FNIP2: variants seen among roughly 807,000 people sequenced by gnomAD.
FNIP2 encodes the protein folliculin interacting protein 2.
FNIP2 carries 32 observed loss-of-function variants against 108.7 expected under a neutral mutation model. The observed-to-expected ratio is 0.29, with a 90% CI of 0.22 to 0.40. The LOEUF is 0.40. Among genes scored for constraint, FNIP2 ranks in the 10% least tolerant of loss-of-function variants. The probability of loss-of-function intolerance (pLI) is 1.00; values close to 1 mark genes in which losing one functional copy is unlikely to be tolerated. For synonymous variants in FNIP2, 480 were observed against 496.7 expected (o/e 0.97, Z 0.45); for missense variants, 1,202 against 1,381.6 (o/e 0.87, Z 2.06).
chr4:158,876,608 C>T (rs560918774), intron 14 of FNIP2, among the ~76,000 whole-genome samples: 2 of 152,320 alleles, frequency 1.3e-5, no homozygotes, highest in Admixed American at 1.3e-4. Context: ...CTGTTCTGTT[C>T]CAGATGTGTT....
intron 1 of FNIP2, among the ~76,000 whole-genome samples, chr4:158,792,769 G>T (rs1163016764): frequency 6.6e-6 from 1 of 152,170 alleles, no homozygotes; most frequent in Non-Finnish European, 1.5e-5. Context: ...GAATGAGAAT[G>T]GGCTGCACAG....
At chr4:158,827,197 T>C (rs894574721) in intron 2 of FNIP2, among the ~76,000 whole-genome samples, 7 of 152,290 alleles carry the variant, frequency 4.6e-5, no homozygotes, top group African/African-American at 1.7e-4. Context: ...CCAGGTTAGA[T>C]TTGTAACAGA....
intron 15 of FNIP2, among the ~76,000 whole-genome samples, chr4:158,892,427 A>C (rs962829541): frequency 1.3e-5 from 2 of 152,310 alleles, no homozygotes; most frequent in South Asian, 4.1e-4. Flanking sequence ...AATACTTTAA[A>C]TACAAACAAC....
At chr4:158,811,267 A>G (rs552431572) in intron 1 of FNIP2, among the ~76,000 whole-genome samples, 9 of 152,380 alleles carry the variant, frequency 5.9e-5, no homozygotes, top group African/African-American at 1.9e-4. Context: ...TTTACAGAAC[A>G]GATGTGAATG....
intron 14 of FNIP2, chr4:158,871,517 T>C (rs1461716338): frequency 6.1e-6 from 6 of 985,266 alleles, no homozygotes; most frequent in Non-Finnish European, 7.2e-6. Context: ...AGTATATTTA[T>C]GTGAAGTGGG....
chr4:158,889,131 A>T (rs1300600384), intron 14 of FNIP2, among the ~76,000 whole-genome samples: 1 of 152,106 alleles, frequency 6.6e-6, no homozygotes, highest in Non-Finnish European at 1.5e-5. Flanking sequence ...GCTTGAGGTT[A>T]CTATGAACTG....
At chr4:158,872,738 T>TC in intron 14 of FNIP2, 1 of 980,040 alleles carries the variant, frequency 1.0e-6, no homozygotes, top group Non-Finnish European at 1.2e-6. Context: ...GGTAGTGTTT[T>TC]TTTTTTTTTT....
intron 1 of FNIP2, among the ~76,000 whole-genome samples, chr4:158,777,710 G>A (rs1560748566): frequency 6.6e-6 from 1 of 152,200 alleles, no homozygotes; most frequent in Admixed American, 6.5e-5. Context: ...GAGTGCACAG[G>A]CTCCACGGAA....
chr4:158,792,349 T>A (rs888520517), intron 1 of FNIP2, among the ~76,000 whole-genome samples: 1 of 151,620 alleles, frequency 6.6e-6, no homozygotes, highest in African/African-American at 2.4e-5. Flanking sequence ...TAAACAAGTG[T>A]CCTTTTCACA....
Position 158,832,049 on chromosome 4 carries a change from C to T in FNIP2, c.483-18C>T, listed in dbSNP as rs149954508. 1.9e-6 allele frequency: 3 copies of T among 1,611,884 alleles called. No homozygotes were observed. In the South Asian group the frequency reaches 3.3e-5, roughly 18 times the overall value. On this transcript the variant is annotated intron_variant, in intron 4 of 16. Coordinates refer to ENST00000264433, the MANE Select transcript of FNIP2 (RefSeq NM_020840.3). ...CTCATAAATTTATTTTTCCCCTCTC[C>T]TTTTTTCCCCTCCACAGTTCTCCTC...
intron 7 of FNIP2, among the ~76,000 whole-genome samples, chr4:158,842,417 CT>C (rs1459777499): frequency 3.3e-5 from 5 of 152,046 alleles, no homozygotes; most frequent in African/African-American, 4.8e-5. Context: ...AATTAAAATC[CT>C]TTGTGAAGCC....
At chr4:158,892,280 G>A (rs1222187649) in intron 15 of FNIP2, among the ~76,000 whole-genome samples, 1 of 151,888 alleles carries the variant, frequency 6.6e-6, no homozygotes, top group Admixed American at 6.6e-5. Context: ...TGGACTAGAG[G>A]CATGTGCCAC....
At position 158,873,636 on chromosome 4, in the gene FNIP2, T is replaced by C. The variant is rs188700962; in HGVS notation, c.2949+3167T>C. Among the ~76,000 whole-genome samples, 82 of 152,370 alleles carry C rather than the reference T, an allele frequency of 5.4e-4. 1 individual carries two copies. Among genetic ancestry groups the C allele is most frequent in the Admixed American group, 1.6e-3 (24 of 15,308 alleles). On this transcript the variant is annotated intron_variant, in intron 14 of 16. Transcript: ENST00000264433. ...CCTAGTCTCTTATGAAAGAAAGATA[T>C]AGTAACTACTTCATCAATTTTCATT...
At chr4:158,874,321 G>C (rs1781130448) in intron 14 of FNIP2, among the ~76,000 whole-genome samples, 1 of 152,000 alleles carries the variant, frequency 6.6e-6, no homozygotes, top group South Asian at 2.1e-4. Context: ...CATAGGTTTG[G>C]TCTGAAGATT....
At position 158,769,326 on chromosome 4, in the gene FNIP2, G is replaced by T; in HGVS notation, c.107+7G>T. On this transcript the variant is annotated splice_region_variant and intron_variant, in intron 1 of 16. Transcript: ENST00000264433. ...AGGAAGGACCCGCCTTTAGGTGAGG[G>T]GGCGCCGGGGGGCAATTCTGGCGCG... is the stretch of plus-strand genomic sequence containing the variant. 6.8e-7 allele frequency: 1 copy of T among 1,476,908 alleles called. No individual in the cohort carries two copies. Among genetic ancestry groups the T allele is most frequent in the Non-Finnish European group, 9.0e-7 (1 of 1,112,616 alleles). 91.5% of individuals were successfully genotyped at this position (1,476,908 alleles called of 1,614,324 possible). A position where few individuals can be genotyped will look rare whatever the true frequency, so the allele number is the denominator to read the frequency against.
chr4:158,885,900 C>A (rs1326054567), intron 14 of FNIP2, among the ~76,000 whole-genome samples: 1 of 152,184 alleles, frequency 6.6e-6, no homozygotes, highest in Non-Finnish European at 1.5e-5. Context: ...ATTCTCTAAA[C>A]CTTGTAGACA....
chr4:158,834,763 T>G (rs1027450174), intron 6 of FNIP2: 2 of 152,294 alleles, frequency 1.3e-5, no homozygotes, highest in Non-Finnish European at 2.9e-5. Context: ...TTCCTAGAAG[T>G]CTGTAATACT....
chr4:158,886,622 A>C (rs1200204823), intron 14 of FNIP2, among the ~76,000 whole-genome samples: 1 of 152,216 alleles, frequency 6.6e-6, no homozygotes, highest in Non-Finnish European at 1.5e-5. Context: ...TTCTAATAGG[A>C]GAATTTGATA....
At position 158,907,411 on chromosome 4, in the gene FNIP2, T is replaced by C. The variant is rs1021435785; in HGVS notation, c.*2867T>C. On this transcript the variant is annotated 3_prime_UTR_variant, in exon 17 of 17. Transcript: ENST00000264433. Reference sequence around the variant, plus strand: ...TGCAACTTTTTAAACTTAACCATATTTTTCAAAATTAACGTTTTTGGAGGG... The same window carrying C: ...TGCAACTTTTTAAACTTAACCATATCTTTCAAAATTAACGTTTTTGGAGGG... 3 of 152,184 alleles carry C rather than the reference T, an allele frequency of 2.0e-5. No individual in the cohort carries two copies. The highest frequency in any genetic ancestry group is 2.9e-5 in the Non-Finnish European group (2 of 68,044). The allele number at this position is 152,184 out of a possible 1,614,324, so 9.4% of individuals were successfully genotyped here. A position where few individuals can be genotyped will look rare whatever the true frequency, so the allele number is the denominator to read the frequency against.
Sources: allele counts gnomAD v4.1 joint callset (sites outside exome capture counted in the v4.1 genomes callset), GRCh38; gene constraint gnomAD v4.1.1; transcripts MANE v1.5; gene names NCBI Gene and HGNC (gene_info 2026-07-23, HGNC 2026-07-21).